The following SIPA1L2 variants were observed in gnomAD, a reference collection of about 807,000 sequenced individuals.
The protein encoded by SIPA1L2 is signal induced proliferation associated 1 like 2.
SIPA1L2 carries 56 observed loss-of-function variants against 163.9 expected under a neutral mutation model. That is an observed-to-expected ratio of 0.34 (90% confidence interval 0.28 to 0.43). The LOEUF is 0.43. Among genes scored for constraint, SIPA1L2 ranks in the 20% least tolerant of loss-of-function variants. The pLI, the probability that SIPA1L2 is intolerant of heterozygous loss-of-function variation, is 1.00. For synonymous variants in SIPA1L2, 877 were observed against 865.7 expected (o/e 1.01, Z -0.23); for missense variants, 1,974 against 2,193.5 (o/e 0.90, Z 2.00).
chr1:232,492,797 A>G (rs1665997259), intron 4 of SIPA1L2, among the ~76,000 whole-genome samples: 1 of 152,210 alleles, frequency 6.6e-6, no homozygotes, highest in Admixed American at 6.5e-5. Flanking sequence ...TGTTGATTTT[A>G]CAGGCTCATC....
intron 3 of SIPA1L2, among the ~76,000 whole-genome samples, chr1:232,501,863 C>T (rs1233882441): frequency 6.6e-6 from 1 of 152,220 alleles, no homozygotes; most frequent in Non-Finnish European, 1.5e-5. Flanking sequence ...GGCCGGCTCT[C>T]TCAATCTACT....
At chr1:232,600,185 G>T (rs576364640) in intron 1 of SIPA1L2, among the ~76,000 whole-genome samples, 1 of 152,254 alleles carries the variant, frequency 6.6e-6, no homozygotes, top group Non-Finnish European at 1.5e-5. Flanking sequence ...TAAACTGATA[G>T]CAAGTTTGCT....
chr1:232,520,871 C>T (rs1404976900), intron 2 of SIPA1L2, among the ~76,000 whole-genome samples: 1 of 152,136 alleles, frequency 6.6e-6, no homozygotes, highest in Admixed American at 6.5e-5. Context: ...TTACCAAAAA[C>T]TAAGCCTGGT....
intron 3 of SIPA1L2, among the ~76,000 whole-genome samples, chr1:232,496,164 C>T (rs1451393067): frequency 1.3e-5 from 2 of 152,170 alleles, no homozygotes; most frequent in Non-Finnish European, 2.9e-5. Flanking sequence ...GGTAAGTGCC[C>T]TATACAGGTG....
At chr1:232,561,056 T>A (rs1201112264) in intron 2 of SIPA1L2, among the ~76,000 whole-genome samples, 1 of 152,224 alleles carries the variant, frequency 6.6e-6, no homozygotes, top group African/African-American at 2.4e-5. Context: ...CTCACGTGCA[T>A]AAAAAGTCAT....
At chr1:232,612,614 G>C (rs1452812529) in intron 1 of SIPA1L2, among the ~76,000 whole-genome samples, 2 of 152,100 alleles carry the variant, frequency 1.3e-5, no homozygotes, top group Non-Finnish European at 2.9e-5. Flanking sequence ...CCTTTGTTTT[G>C]GTCAGTTTCT....
intron 9 of SIPA1L2, chr1:232,462,132 G>C (rs1410918118): frequency 5.2e-6 from 6 of 1,155,868 alleles, no homozygotes; most frequent in Non-Finnish European, 7.6e-6. Context: ...AAGAAGAATG[G>C]TGGATTGCAT....
chr1:232,406,490 G>C lies in SIPA1L2; in HGVS notation c.4763-2312C>G, dbSNP rs529869889. 9.8e-5 allele frequency among the ~76,000 whole-genome samples: 15 copies of C among 152,356 alleles called. 1 individual carries two copies. In the Middle Eastern group the frequency reaches 0.01, roughly 104 times the overall value. The stretch of plus-strand genomic sequence containing the variant: ...CACTAAACAAGATGAATAGTCAACA[G>C]GCTATTCCATATCCTAGAGCCAAGA... On this transcript the variant is annotated intron_variant, in intron 19 of 22. Transcript: ENST00000674635.
intron 1 of SIPA1L2, among the ~76,000 whole-genome samples, chr1:232,609,017 C>T (rs984442153): frequency 2.0e-5 from 3 of 151,976 alleles, no homozygotes; most frequent in African/African-American, 7.3e-5. Context: ...AAAAAGTAAC[C>T]TCTTTTCTAA....
chr1:232,609,597 G>A (rs528985736), intron 1 of SIPA1L2, among the ~76,000 whole-genome samples: 2 of 152,196 alleles, frequency 1.3e-5, no homozygotes, highest in South Asian at 2.1e-4. Context: ...TTGGGAGGCC[G>A]AGCTGGGCAG....
At chr1:232,442,307 T>A (rs749509627) in intron 12 of SIPA1L2, among the ~76,000 whole-genome samples, 3 of 151,528 alleles carry the variant, frequency 2.0e-5, no homozygotes, top group Non-Finnish European at 2.9e-5. Context: ...CCCAGCACTT[T>A]GGGAGGTCAA....
intron 19 of SIPA1L2, among the ~76,000 whole-genome samples, chr1:232,404,578 T>A (rs1660534531): frequency 6.6e-6 from 1 of 152,144 alleles, no homozygotes. Flanking sequence ...GCACCAATGA[T>A]CAGTATGACT....
intron 1 of SIPA1L2, among the ~76,000 whole-genome samples, chr1:232,624,232 TG>T (rs1662962099): frequency 6.6e-6 from 1 of 152,224 alleles, no homozygotes; most frequent in South Asian, 2.1e-4. Flanking sequence ...AAGAAACCAC[TG>T]TTTCTTGCAT....
intron 1 of SIPA1L2, among the ~76,000 whole-genome samples, chr1:232,623,812 A>G (rs1662938612): frequency 6.6e-6 from 1 of 151,930 alleles, no homozygotes; most frequent in Admixed American, 6.6e-5. Context: ...TATAAGGCCC[A>G]TCAAGAGTGG....
intron 1 of SIPA1L2, among the ~76,000 whole-genome samples, chr1:232,593,099 G>A (rs936512607): frequency 6.6e-6 from 1 of 152,154 alleles, no homozygotes; most frequent in Admixed American, 6.5e-5. Flanking sequence ...TGAAGACAGC[G>A]TGTTCAAGGG....
Position 232,514,465 on chromosome 1 carries a change from A to G in SIPA1L2, c.875T>C (p.Phe292Ser). The G allele has an allele frequency of 6.2e-7, 1 of 1,614,220 alleles. No homozygotes were observed. Among genetic ancestry groups the G allele is most frequent in the Non-Finnish European group, 8.5e-7 (1 of 1,180,040 alleles). Residue 292 changes from phenylalanine to serine, a missense_variant, in exon 3 of 23, where the codon TTC becomes TCC. Phe to Ser is a radical substitution (Grantham distance 155, BLOSUM62 -2). Coordinates refer to ENST00000674635, the MANE Select transcript of SIPA1L2 (RefSeq NM_020808.5). ...ACTTTTAACAGTTCGAAGCTTTCGG[A>G]AGAGAGATGTTTCCACCGACTCTGA... ...LKSESVETSL[F>S]RKLRTVKSEH...
chr1:232,591,392 G>A (rs1217570005), intron 1 of SIPA1L2, among the ~76,000 whole-genome samples: 1 of 152,192 alleles, frequency 6.6e-6, no homozygotes, highest in Non-Finnish European at 1.5e-5. Context: ...CATGAGTACT[G>A]TGCTGCCCAT....
chr1:232,477,609 C>T (rs1665111211), intron 7 of SIPA1L2, among the ~76,000 whole-genome samples: 1 of 152,168 alleles, frequency 6.6e-6, no homozygotes, highest in African/African-American at 2.4e-5. Context: ...AAGTTTAACA[C>T]ACACACATCC....
At chr1:232,425,008 T>C (rs1416803029) in intron 18 of SIPA1L2, among the ~76,000 whole-genome samples, 1 of 152,204 alleles carries the variant, frequency 6.6e-6, no homozygotes, top group African/African-American at 2.4e-5. Flanking sequence ...GAAAATCATC[T>C]AGAAATCGTC....
Sources: allele counts gnomAD v4.1 joint callset (sites outside exome capture counted in the v4.1 genomes callset), GRCh38; gene constraint gnomAD v4.1.1; transcripts MANE v1.5; gene names NCBI Gene and HGNC (gene_info 2026-07-23, HGNC 2026-07-21).